PPA2: variants seen among roughly 807,000 people sequenced by gnomAD.
PPA2 encodes inorganic pyrophosphatase 2, mitochondrial.
In PPA2, 48 loss-of-function variants were observed where a neutral mutation model predicts 49.5. That is an observed-to-expected ratio of 0.97 (90% CI 0.77 to 1.23). PPA2 has a LOEUF of 1.23. Among genes scored for constraint, PPA2 ranks in the 50% most tolerant of loss-of-function variants. The pLI is 0.00. For synonymous variants in PPA2, 131 were observed against 139.9 expected, an observed-to-expected ratio of 0.94 and a Z score of 0.45; for missense variants, 429 against 410.1, an observed-to-expected ratio of 1.05 and a Z score of -0.40.
At position 105,398,864 on chromosome 4, in the gene PPA2, TC is replaced by T. The variant is rs1734247448; in HGVS notation, c.783+172del. 3.4e-5 allele frequency: 19 copies of T among 551,460 alleles called. No individual in the cohort carries two copies. In the East Asian group the frequency reaches 6.7e-4, roughly 20 times the overall value. 34.2% of individuals were successfully genotyped at this position (551,460 alleles called of 1,614,324 possible). A position where few individuals can be genotyped will look rare whatever the true frequency, so the allele number is the denominator to read the frequency against. ...TTTCAGCCTTGTTGATTCACTTAGATCTTCTGAAACAGAATTTAAATAATAA... is the reference window on the plus strand; with the variant it reads ...TTTCAGCCTTGTTGATTCACTTAGATTTCTGAAACAGAATTTAAATAATAA... On this transcript the variant is annotated intron_variant, in intron 8 of 11. Transcript: ENST00000341695.
rs1440502354 is a variant in PPA2 at position 105,446,460 on chromosome 4, T to C, written c.364A>G (p.Lys122Glu). 1 of 1,606,172 alleles carries C rather than the reference T, an allele frequency of 6.2e-7. No individual in the cohort carries two copies. Among genetic ancestry groups the C allele is most frequent in the East Asian group, 2.3e-5 (1 of 44,294 alleles). The change falls in exon 5 of 12, where the codon AAG (lysine) becomes GAG (glutamate). Residue 122 changes from lysine (K) to glutamate (E), a missense_variant. Lys to Glu is a moderately conservative substitution (Grantham distance 56). Transcript: ENST00000341695. ...EPMNPIKQYV[K>E]DGKLRYVANI... ...GCCACATAGCGTAGCTTTCCATCCT[T>C]TACATATTGTTTAATGGGATTCATT...
chr4:105,425,718 G>GCA (rs1553926957), intron 6 of PPA2, among the ~76,000 whole-genome samples: 10 of 105,202 alleles, frequency 9.5e-5, no homozygotes, highest in Non-Finnish European at 1.4e-4. Context: ...AAGGACACAT[G>GCA]CACATACACA....
In PPA2 at chr4:105,452,398, A is replaced by G. The variant is rs375326215; in HGVS notation, c.267+1200T>C. Among the ~76,000 whole-genome samples the G allele has an allele frequency of 1.6e-4, 25 of 152,284 alleles. No homozygotes were observed. In the South Asian group the frequency reaches 4.4e-3, roughly 27 times the overall value. ...CAACATCTAGGGCAGTGGTTCTCAAACTTCACGTTTAGGATGCACCTAGAA... is the reference window on the plus strand; with the variant it reads ...CAACATCTAGGGCAGTGGTTCTCAAGCTTCACGTTTAGGATGCACCTAGAA... On this transcript the variant is annotated intron_variant, in intron 3 of 11. Coordinates refer to ENST00000341695, the MANE Select transcript of PPA2 (RefSeq NM_176869.3).
intron 1 of PPA2, among the ~76,000 whole-genome samples, chr4:105,460,306 C>T (rs1387380540): frequency 6.6e-6 from 1 of 152,066 alleles, no homozygotes; most frequent in East Asian, 1.9e-4. Flanking sequence ...AAGAGGGTTC[C>T]TTTCTCTTGG....
chr4:105,457,885 C>T (rs1722933517), intron 1 of PPA2, among the ~76,000 whole-genome samples: 1 of 152,084 alleles, frequency 6.6e-6, no homozygotes, highest in African/African-American at 2.4e-5. Flanking sequence ...TTTCAAAATG[C>T]CATTCTCCAA....
rs75044511 is a variant in PPA2 at position 105,385,062 on chromosome 4, C to T, written c.939+1505G>A. On this transcript the variant is annotated intron_variant, in intron 10 of 11. Transcript: ENST00000341695. ...GCCTCAGGACCTTTGGGAGTGTGGC[C>T]TTGAATGCTCTTCCTTCGCTTGACC... Among the ~76,000 whole-genome samples, 3 of 152,218 alleles carry T rather than the reference C, an allele frequency of 2.0e-5. No individual in the cohort carries two copies. The East Asian group carries it at 5.8e-4, about 29-fold the overall frequency.
intron 7 of PPA2, among the ~76,000 whole-genome samples, chr4:105,421,775 G>A (rs1397650190): frequency 6.6e-6 from 1 of 152,142 alleles, no homozygotes; most frequent in Non-Finnish European, 1.5e-5. Context: ...GGGCATGGTG[G>A]CTCAAACCTG....
intron 7 of PPA2, among the ~76,000 whole-genome samples, chr4:105,419,961 T>C (rs532802587): frequency 6.6e-6 from 1 of 151,900 alleles, no homozygotes; most frequent in Non-Finnish European, 1.5e-5. Flanking sequence ...CTTTCTTTTT[T>C]TTTTTCGTTT....
At chr4:105,471,708 T>C (rs900297670) in intron 1 of PPA2, among the ~76,000 whole-genome samples, 5 of 152,192 alleles carry the variant, frequency 3.3e-5, no homozygotes, top group Non-Finnish European at 5.9e-5. Flanking sequence ...TAGAGTGGCT[T>C]CGTTTCACTT....
At chr4:105,410,889 T>G (rs1168853701) in intron 7 of PPA2, among the ~76,000 whole-genome samples, 3 of 152,212 alleles carry the variant, frequency 2.0e-5, no homozygotes, top group Admixed American at 6.5e-5. Flanking sequence ...CCACCAGGCC[T>G]GCCTTACAAG....
At chr4:105,406,044 T>G (rs1296037751) in intron 7 of PPA2, 1 of 166,412 alleles carries the variant, frequency 6.0e-6, no homozygotes, top group Non-Finnish European at 1.3e-5. Flanking sequence ...TGTTCAGGAC[T>G]TTCAGGAAAC....
In PPA2 at chr4:105,369,366, A is replaced by G; in HGVS notation, c.*359T>C. Reference sequence around the variant, plus strand: ...CAGCCTCCTGAGTAGCTGGGTCTACAGGCATGCACCACCACGCCTGGCTAA... The same window carrying G: ...CAGCCTCCTGAGTAGCTGGGTCTACGGGCATGCACCACCACGCCTGGCTAA... On this transcript the variant is annotated 3_prime_UTR_variant, in exon 12 of 12. Transcript: ENST00000341695. 5.6e-6 allele frequency: 1 copy of G among 179,600 alleles called. No individual in the cohort carries two copies. Among genetic ancestry groups the G allele is most frequent in the Non-Finnish European group, 1.2e-5 (1 of 85,574 alleles). The allele number at this position is 179,600 out of a possible 1,614,324, so 11.1% of individuals were successfully genotyped here. A position where few individuals can be genotyped will look rare whatever the true frequency, so the allele number is the denominator to read the frequency against.
At chr4:105,470,289 CA>C (rs1396511141) in intron 1 of PPA2, among the ~76,000 whole-genome samples, 1 of 152,196 alleles carries the variant, frequency 6.6e-6, no homozygotes, top group Admixed American at 6.5e-5. Flanking sequence ...TATGATTTCA[CA>C]GTTAATTTAA....
At chr4:105,473,540 A>C in intron 1 of PPA2, 2 of 506,480 alleles carry the variant, frequency 3.9e-6, no homozygotes, top group Non-Finnish European at 7.6e-6. Flanking sequence ...TGAACCGGGA[A>C]CGGCGGCCGG....
chr4:105,442,329 G>A (rs537580741), intron 5 of PPA2, among the ~76,000 whole-genome samples: 1 of 152,136 alleles, frequency 6.6e-6, no homozygotes, highest in South Asian at 2.1e-4. Flanking sequence ...ACCTTGTAGG[G>A]TAGGTAGTAT....
chr4:105,421,456 A>C (rs947671257), intron 7 of PPA2, among the ~76,000 whole-genome samples: 12 of 152,180 alleles, frequency 7.9e-5, no homozygotes, highest in African/African-American at 2.7e-4. Context: ...ATAATTTTTA[A>C]AATGCCATCT....
chr4:105,427,772 T>A (rs892802038), intron 6 of PPA2, among the ~76,000 whole-genome samples: 14 of 152,190 alleles, frequency 9.2e-5, no homozygotes, highest in Non-Finnish European at 1.9e-4. Context: ...GAGAAATCAC[T>A]CTTTAGGAAA....
At chr4:105,389,826 T>C (rs994064318) in intron 9 of PPA2, among the ~76,000 whole-genome samples, 2 of 151,992 alleles carry the variant, frequency 1.3e-5, no homozygotes, top group East Asian at 1.9e-4. Context: ...AAAGAGAAAA[T>C]TTAAAGAGAT....
intron 11 of PPA2, 44 bp from the exon 12 acceptor site, chr4:105,369,797 AG>A (rs1250835782): frequency 6.7e-7 from 1 of 1,497,890 alleles, no homozygotes. Context: ...AAGGGATAAG[AG>A]GAGGGAGAAG....
Sources: gnomAD v4.1 joint callset for allele counts (sites outside exome capture counted in the v4.1 genomes callset) on GRCh38, gnomAD v4.1.1 for gene constraint, MANE v1.5 for transcripts, NCBI Gene and HGNC (gene_info 2026-07-23, HGNC 2026-07-21) for gene names.